The following ITGBL1 variants were observed in gnomAD, a reference collection of about 807,000 sequenced individuals.
The protein encoded by ITGBL1 is integrin subunit beta like 1, also known as integrin beta-like protein 1.
A neutral mutation model predicts 68.5 loss-of-function variants in ITGBL1; 51 were observed. The observed-to-expected ratio is 0.74, with a 90% CI of 0.59 to 0.94. The LOEUF (loss-of-function observed/expected upper bound fraction) is 0.94. ITGBL1 is among the 40% of genes least tolerant of loss of function. The pLI, the probability that ITGBL1 is intolerant of heterozygous loss-of-function variation, is 0.00. For synonymous variants in ITGBL1, 209 were observed against 227.3 expected (o/e 0.92, Z 0.72); for missense variants, 649 against 647.4 (o/e 1.00, Z -0.03).
chr13:101,632,081 AAC>A (rs1476645946), intron 7 of ITGBL1, among the ~76,000 whole-genome samples: 5 of 152,086 alleles, frequency 3.3e-5, no homozygotes, highest in Admixed American at 6.6e-5. Context: ...GGCTTATCAA[AAC>A]ACACTCTTAG....
chr13:101,693,433 G>C (rs1244579170), intron 8 of ITGBL1, among the ~76,000 whole-genome samples: 1 of 152,168 alleles, frequency 6.6e-6, no homozygotes, highest in Non-Finnish European at 1.5e-5. Context: ...TTGGGGGAAA[G>C]AAACAGAATG....
chr13:101,711,893 TC>T (rs2034484529), intron 9 of ITGBL1: 1 of 152,252 alleles, frequency 6.6e-6, no homozygotes, highest in Admixed American at 6.5e-5. Context: ...CCTGCCAAGA[TC>T]AGCCAGCTGT....
chr13:101,534,059 AG>A (rs2049528227), intron 2 of ITGBL1, among the ~76,000 whole-genome samples: 1 of 152,224 alleles, frequency 6.6e-6, no homozygotes, highest in African/African-American at 2.4e-5. Flanking sequence ...AGTTTTTCAA[AG>A]AAAAAATAAC....
chr13:101,543,403 T>C (rs1279382505), intron 2 of ITGBL1, among the ~76,000 whole-genome samples: 1 of 152,238 alleles, frequency 6.6e-6, no homozygotes, highest in African/African-American at 2.4e-5. Context: ...TCTTCTGGCT[T>C]GTAGAGTTTC....
chr13:101,481,697 T>A (rs2048627149), intron 2 of ITGBL1, among the ~76,000 whole-genome samples: 1 of 152,184 alleles, frequency 6.6e-6, no homozygotes, highest in Non-Finnish European at 1.5e-5. Context: ...GTTAAATCTT[T>A]TTAAATTCAT....
chr13:101,489,172 A>G (rs1029105023), intron 2 of ITGBL1, among the ~76,000 whole-genome samples: 19 of 152,212 alleles, frequency 1.2e-4, no homozygotes, highest in Non-Finnish European at 2.6e-4. Context: ...TCATCATGTC[A>G]ATCTACGGAT....
intron 6 of ITGBL1, among the ~76,000 whole-genome samples, chr13:101,597,941 T>C (rs139248481): frequency 1.3e-5 from 2 of 152,288 alleles, no homozygotes; most frequent in Middle Eastern, 3.4e-3. Flanking sequence ...CTAAACTGTT[T>C]ATCTTATCTG....
intron 7 of ITGBL1, among the ~76,000 whole-genome samples, chr13:101,600,732 G>T (rs1386625302): frequency 6.6e-6 from 1 of 152,098 alleles, no homozygotes; most frequent in Non-Finnish European, 1.5e-5. Flanking sequence ...TTATATGCTG[G>T]ATTACAGTTA....
chr13:101,504,249 C>T (rs1025336865), intron 2 of ITGBL1, among the ~76,000 whole-genome samples: 3 of 152,098 alleles, frequency 2.0e-5, no homozygotes, highest in African/African-American at 7.2e-5. Flanking sequence ...AACTGTTCAT[C>T]CCTTTTGTGC....
intron 7 of ITGBL1, among the ~76,000 whole-genome samples, chr13:101,665,902 T>A (rs2033203267): frequency 6.6e-6 from 1 of 152,174 alleles, no homozygotes; most frequent in African/African-American, 2.4e-5. Context: ...TATGTGAGGA[T>A]CTGCCCAGCA....
At chr13:101,630,464 T>C (rs1007284351) in intron 7 of ITGBL1, among the ~76,000 whole-genome samples, 3 of 152,146 alleles carry the variant, frequency 2.0e-5, no homozygotes, top group African/African-American at 7.2e-5. Flanking sequence ...TCTTAATTGA[T>C]CTACCCACAG....
At chr13:101,549,203 AAAAT>A (rs1321629418) in intron 2 of ITGBL1, among the ~76,000 whole-genome samples, 1 of 151,964 alleles carries the variant, frequency 6.6e-6, no homozygotes, top group African/African-American at 2.4e-5. Context: ...CCATATGGAA[AAAAT>A]AAATATGGAC....
intron 6 of ITGBL1, among the ~76,000 whole-genome samples, chr13:101,596,057 ATATATATATATC>A (rs2029948624): frequency 3.7e-3 from 1 of 268 alleles, no homozygotes; most frequent in African/African-American, 0.012. Context: ...GTGTGTGTGT[ATATATATATATC>A]TATATATACA....
downstream of ITGBL1, chr13:101,720,042 T>A (rs1233502394): frequency 2.0e-5 from 3 of 152,198 alleles, no homozygotes; most frequent in Non-Finnish European, 4.4e-5. Flanking sequence ...AGTTGTTTGA[T>A]GTTTTTTAAT....
chr13:101,709,217 T>C (rs887870624), intron 9 of ITGBL1, among the ~76,000 whole-genome samples: 1 of 147,684 alleles, frequency 6.8e-6, no homozygotes, highest in Non-Finnish European at 1.5e-5. Context: ...TACAAAAAAT[T>C]AGCCGGGCGC....
intron 2 of ITGBL1, among the ~76,000 whole-genome samples, chr13:101,462,520 C>T (rs1041686158): frequency 2.6e-5 from 4 of 152,160 alleles, no homozygotes; most frequent in African/African-American, 9.7e-5. Flanking sequence ...GATGCAAGGG[C>T]TGAGTCTTTT....
intron 7 of ITGBL1, among the ~76,000 whole-genome samples, chr13:101,680,243 G>T (rs1234868092): frequency 6.6e-6 from 1 of 152,172 alleles, no homozygotes; most frequent in Non-Finnish European, 1.5e-5. Context: ...AGGGAACTTA[G>T]GATGCATTTG....
chr13:101,628,978 GATA>G (rs2031888009), intron 7 of ITGBL1, among the ~76,000 whole-genome samples: 1 of 151,890 alleles, frequency 6.6e-6, no homozygotes, highest in South Asian at 2.1e-4. Context: ...CATATATATT[GATA>G]ATGAGTGATA....
At chr13:101,585,036 G>T (rs1400239274) in intron 6 of ITGBL1, among the ~76,000 whole-genome samples, 1 of 152,022 alleles carries the variant, frequency 6.6e-6, no homozygotes, top group Non-Finnish European at 1.5e-5. Flanking sequence ...TTACCAGAAT[G>T]CAGAATTAAG....
Sources: allele counts gnomAD v4.1 joint callset (sites outside exome capture counted in the v4.1 genomes callset), GRCh38; gene constraint gnomAD v4.1.1; transcripts MANE v1.5; gene names NCBI Gene and HGNC (gene_info 2026-07-23, HGNC 2026-07-21).